Variants in DLG2 observed in about 807,000 individuals in gnomAD.
DLG2 encodes disks large homolog 2.
A neutral mutation model predicts 132.5 loss-of-function variants in DLG2; 45 were observed. The observed-to-expected ratio is 0.34, with a 90% CI of 0.27 to 0.44. DLG2 has a LOEUF of 0.44. Ranked by LOEUF, DLG2 falls within the 20% of genes least tolerant of loss-of-function variation. The probability of loss-of-function intolerance (pLI) is 1.00; values close to 1 mark genes in which losing one functional copy is unlikely to be tolerated. For missense variants in DLG2, 1,045 were observed against 1,196.9 expected (o/e 0.87, Z 1.87); for synonymous variants, 424 against 419.6 (o/e 1.01, Z -0.13).
At chr11:84,686,672 A>G (rs2099738520) in intron 6 of DLG2, 2 of 145,300 alleles carry the variant, frequency 1.4e-5, no homozygotes, top group Admixed American at 7.0e-5. Flanking sequence ...ACCATGTAAC[A>G]TATAATAGCC....
intron 3 of DLG2, among the ~76,000 whole-genome samples, chr11:85,372,762 G>A (rs1160638987): frequency 1.3e-5 from 2 of 152,134 alleles, no homozygotes; most frequent in East Asian, 1.9e-4. Context: ...ACTCATGGCA[G>A]CACCTGCCAA....
intron 7 of DLG2, among the ~76,000 whole-genome samples, chr11:84,534,072 G>T (rs1282215748): frequency 6.6e-6 from 1 of 152,130 alleles, no homozygotes; most frequent in Admixed American, 6.5e-5. Context: ...GTTGGGAAAA[G>T]TATGACAATG....
chr11:83,627,078 C>A (rs996556702), intron 19 of DLG2, among the ~76,000 whole-genome samples: 16 of 152,112 alleles, frequency 1.1e-4, no homozygotes, highest in Non-Finnish European at 2.4e-4. Flanking sequence ...GAAAAGGTGG[C>A]TTCATAGTAA....
intron 17 of DLG2, among the ~76,000 whole-genome samples, chr11:83,806,637 C>T (rs2045983890): frequency 6.6e-6 from 1 of 152,178 alleles, no homozygotes; most frequent in South Asian, 2.1e-4. Context: ...GTCCCAGCCA[C>T]TGTTTCAGGC....
chr11:85,506,691 C>G (rs1270497073), intron 3 of DLG2, among the ~76,000 whole-genome samples: 1 of 152,160 alleles, frequency 6.6e-6, no homozygotes, highest in Non-Finnish European at 1.5e-5. Flanking sequence ...AATGTATATT[C>G]TGTTGATTTG....
intron 3 of DLG2, among the ~76,000 whole-genome samples, chr11:85,399,690 C>T (rs188649586): frequency 3.9e-5 from 6 of 152,280 alleles, no homozygotes; most frequent in African/African-American, 1.4e-4. Flanking sequence ...AAAGGATTCC[C>T]TATTTAATAA....
At chr11:84,740,625 A>C (rs2064485961) in intron 6 of DLG2, among the ~76,000 whole-genome samples, 1 of 151,938 alleles carries the variant, frequency 6.6e-6, no homozygotes, top group Non-Finnish European at 1.5e-5. Context: ...TCTTCATTCC[A>C]CCAATCCCAC....
rs566576607 is a variant in DLG2, at chr11:83,810,391, A to G, written c.1722+23223T>C. On this transcript the variant is annotated intron_variant, in intron 17 of 27. Transcript: ENST00000376104. Reference sequence around the variant, plus strand: ...TATACATGTATATATGCTGTGTATAAAAATATAAATAATTTTGGTAATTAT... The same window carrying G: ...TATACATGTATATATGCTGTGTATAGAAATATAAATAATTTTGGTAATTAT... 3.1e-4 allele frequency among the ~76,000 whole-genome samples: 47 copies of G among 152,232 alleles called. 1 individual carries two copies. The South Asian group carries it at 9.5e-3, about 31-fold the overall frequency.
intron 6 of DLG2, among the ~76,000 whole-genome samples, chr11:84,842,306 T>C (rs2080800041): frequency 6.6e-5 from 10 of 152,026 alleles, no homozygotes; most frequent in Admixed American, 6.6e-4. Context: ...ATCGCCACTT[T>C]ACAGATGTTA....
chr11:84,207,696 A>G (rs1437589729), intron 8 of DLG2, among the ~76,000 whole-genome samples: 1 of 152,192 alleles, frequency 6.6e-6, no homozygotes, highest in Non-Finnish European at 1.5e-5. Context: ...ATAAAAGAAA[A>G]CATTTTTAAA....
At chr11:84,102,728 T>C (rs1411882869) in intron 9 of DLG2, among the ~76,000 whole-genome samples, 3 of 152,114 alleles carry the variant, frequency 2.0e-5, no homozygotes, top group Non-Finnish European at 4.4e-5. Flanking sequence ...GGAAGTCTGC[T>C]CTTGCCAACA....
intron 18 of DLG2, among the ~76,000 whole-genome samples, chr11:83,643,961 C>A (rs1189195790): frequency 6.6e-6 from 1 of 151,978 alleles, no homozygotes; most frequent in East Asian, 1.9e-4. Flanking sequence ...CCCTAAGTAA[C>A]CATTTAGCAG....
intron 3 of DLG2, among the ~76,000 whole-genome samples, chr11:85,583,068 A>T (rs1203906395): frequency 7.2e-6 from 1 of 137,976 alleles, no homozygotes; most frequent in Non-Finnish European, 1.6e-5. Flanking sequence ...ATATATATAT[A>T]TATATATATA....
chr11:84,427,462 T>G lies in DLG2; in HGVS notation c.519+107108A>C, dbSNP rs34494838. Among the ~76,000 whole-genome samples, 839 of 152,196 alleles carry G rather than the reference T, an allele frequency of 5.5e-3. 8 individuals carry two copies. Among genetic ancestry groups the G allele is most frequent in the Non-Finnish European group, 0.01 (680 of 67,996 alleles). ...CCAGGTCTACAGTCTTTCACTGCCT[T>G]ACTGTTCTTGGGTGGTGTGCCAATA... On this transcript the variant is annotated intron_variant, in intron 7 of 27. Transcript: ENST00000376104.
chr11:85,286,064 C>T, intron 3 of DLG2: 1 of 432,072 alleles, frequency 2.3e-6, no homozygotes, highest in Admixed American at 2.7e-5. Flanking sequence ...AAATAACCTC[C>T]AAGAAGTCAA....
Position 85,518,121 on chromosome 11 carries a change from A to C in DLG2, c.40+80536T>G, listed in dbSNP as rs1202038439. Among the ~76,000 whole-genome samples, 3 of 152,170 alleles carry C rather than the reference A, an allele frequency of 2.0e-5. No homozygotes were observed. The East Asian group carries it at 5.8e-4, about 29-fold the overall frequency. On this transcript the variant is annotated intron_variant, in intron 3 of 27. Transcript: ENST00000376104. Reference sequence around the variant, plus strand: ...CAGCAGCATGAAAACAGACTAATAGAGTAAATTGATACCAGCAGAGTGGGG... The same window carrying C: ...CAGCAGCATGAAAACAGACTAATAGCGTAAATTGATACCAGCAGAGTGGGG...
intron 7 of DLG2, among the ~76,000 whole-genome samples, chr11:84,342,909 A>G (rs1485323553): frequency 6.6e-6 from 1 of 152,190 alleles, no homozygotes; most frequent in Non-Finnish European, 1.5e-5. Context: ...ATGTGTGCTC[A>G]TTCCAGCTGA....
intron 4 of DLG2, among the ~76,000 whole-genome samples, chr11:85,221,204 G>A (rs534551806): frequency 1.3e-5 from 2 of 151,836 alleles, no homozygotes; most frequent in Admixed American, 6.6e-5. Context: ...CACCACACCC[G>A]GCTAATTTTT....
chr11:84,227,151 T>C (rs2097011409), intron 8 of DLG2, among the ~76,000 whole-genome samples: 1 of 151,878 alleles, frequency 6.6e-6, no homozygotes, highest in Admixed American at 6.6e-5. Context: ...GAAGAGGGTG[T>C]ACATGGTAGG....
Sources: gnomAD v4.1 joint callset for allele counts (sites outside exome capture counted in the v4.1 genomes callset) on GRCh38, gnomAD v4.1.1 for gene constraint, MANE v1.5 for transcripts, NCBI Gene and HGNC (gene_info 2026-07-23, HGNC 2026-07-21) for gene names.